Variants in PRKDC observed in about 807,000 individuals in gnomAD.
PRKDC encodes the protein protein kinase, DNA-activated, catalytic subunit, also known as DNA-dependent protein kinase catalytic subunit.
Under a neutral mutation model 486.9 loss-of-function variants are expected in PRKDC, and 82 were observed. The observed-to-expected ratio is 0.17, with a 90% CI of 0.14 to 0.20. The LOEUF (loss-of-function observed/expected upper bound fraction) is 0.20. Among genes scored for constraint, PRKDC ranks in the 10% least tolerant of loss-of-function variants. PRKDC has a pLI of 1.00. For missense variants in PRKDC, 4,504 were observed against 5,038.2 expected (o/e 0.89, Z 3.21); for synonymous variants, 1,895 against 1,837.0 (o/e 1.03, Z -0.81).
At chr8:47,951,527 C>T (rs2090624329) in intron 7 of PRKDC, among the ~76,000 whole-genome samples, 2 of 152,050 alleles carry the variant, frequency 1.3e-5, no homozygotes, top group Non-Finnish European at 2.9e-5. Context: ...AGCTTGAAAC[C>T]AGCCTGGGCA....
Position 47,953,647 on chromosome 8 carries a change from A to C in PRKDC, c.694T>G (p.Cys232Gly). ...GCLKGLSSLL[C>G]NFTKSMEEDP... The stretch of plus-strand genomic sequence containing the variant: ...TCTTCCATGGACTTAGTGAAGTTGC[A>C]CAGAAGTGAGGACAACCCCTTCAGA... The change falls in exon 7 of 86, where the codon TGC (cysteine) becomes GGC (glycine). Residue 232 changes from cysteine (C) to glycine (G), a missense_variant. Physicochemically the swap from Cys to Gly is radical, Grantham distance 159. This residue lies in a region of PRKDC where 1,969 missense variants were observed against 2,068.9 expected (regional missense o/e 0.95). Transcript: ENST00000314191. 6.2e-7 allele frequency: 1 copy of C among 1,613,544 alleles called. No homozygotes were observed. Among genetic ancestry groups the C allele is most frequent in the Non-Finnish European group, 8.5e-7 (1 of 1,179,712 alleles).
At chr8:47,873,859 T>A (rs1232927400) in intron 40 of PRKDC, among the ~76,000 whole-genome samples, 1 of 151,456 alleles carries the variant, frequency 6.6e-6, no homozygotes. Flanking sequence ...TACCAGAGGC[T>A]GGAAAGGGTA....
At chr8:47,831,623 T>TTC (rs1172043273) in intron 60 of PRKDC, among the ~76,000 whole-genome samples, 191 bp downstream of exon 60, 1 of 152,056 alleles carries the variant, frequency 6.6e-6, no homozygotes, top group East Asian at 1.9e-4. Context: ...GGCGCACTCC[T>TTC]GGACCCCCAC....
At position 47,877,850 on chromosome 8, in the gene PRKDC, A is replaced by G; in HGVS notation, c.5237T>C (p.Phe1746Ser). 1 of 1,478,824 alleles carries G rather than the reference A, an allele frequency of 6.8e-7. No homozygotes were observed. The highest frequency in any genetic ancestry group is 9.0e-7 in the Non-Finnish European group (1 of 1,108,986). 91.6% of individuals were successfully genotyped at this position (1,478,824 alleles called of 1,614,324 possible). The stretch of plus-strand genomic sequence containing the variant: ...TTGAGATAATTCCAATGCATCTAGA[A>G]ACTAGAAAAAATACATCAACATCAT... The part of the protein sequence containing the change: ...FNNYVDCMKK[F>S]LDALELSQSP... Residue 1746 changes from phenylalanine to serine, a missense_variant and splice_region_variant, in exon 40 of 86, where the codon TTT becomes TCT. By Grantham distance (155) the Phe-to-Ser change is radical (BLOSUM62 -2). Coordinates refer to ENST00000314191, the MANE Select transcript of PRKDC (RefSeq NM_006904.7).
intron 30 of PRKDC, among the ~76,000 whole-genome samples, chr8:47,896,191 T>C (rs1322353288): frequency 2.6e-5 from 4 of 151,876 alleles, no homozygotes; most frequent in African/African-American, 4.8e-5. Flanking sequence ...AATTCAGTTA[T>C]AGTATGTATT....
At chr8:47,878,594 C>G (rs998540246) in intron 39 of PRKDC, among the ~76,000 whole-genome samples, 2 of 152,198 alleles carry the variant, frequency 1.3e-5, no homozygotes, top group Non-Finnish European at 2.9e-5. Flanking sequence ...GGCCGCTCCC[C>G]CGATGTTCTC....
At position 47,933,291 on chromosome 8, in the gene PRKDC, A is replaced by T. The variant is rs1031744098; in HGVS notation, c.1624-119T>A. 3.8e-6 allele frequency: 3 copies of T among 795,396 alleles called. No individual in the cohort carries two copies. In the African/African-American group the frequency reaches 5.5e-5, roughly 15 times the overall value. 49.3% of individuals were successfully genotyped at this position (795,396 alleles called of 1,614,324 possible). On this transcript the variant is annotated intron_variant, in intron 15 of 85. Transcript: ENST00000314191. The stretch of plus-strand genomic sequence containing the variant: ...CGGTTTGGGTATTATGGAAACAGTG[A>T]TGATAAACTGCAGCAGATTTACCTG...
At chr8:47,863,687 C>T in intron 41 of PRKDC, 110 bp from the exon 42 acceptor site, 2 of 932,062 alleles carry the variant, frequency 2.1e-6, no homozygotes, top group Non-Finnish European at 3.1e-6. Flanking sequence ...AGAATTTTAA[C>T]AGTCAAAAAT....
In PRKDC at chr8:47,844,310, A is replaced by G. The variant is rs556833416; in HGVS notation, c.7281-4121T>C. ...TAAAAAGGACAAAAAAGGACATTAC[A>G]TAATGCCAAAGGGTTCAATTCAATA... On this transcript the variant is annotated intron_variant, in intron 54 of 85. Transcript: ENST00000314191. Among the ~76,000 whole-genome samples the G allele has an allele frequency of 2.0e-5, 3 of 152,388 alleles. No homozygotes were observed. In the East Asian group the frequency reaches 5.8e-4, roughly 29 times the overall value.
At chr8:47,834,570 G>C (rs1563758667) in intron 58 of PRKDC, among the ~76,000 whole-genome samples, 174 bp from the exon 59 acceptor site, 1 of 152,140 alleles carries the variant, frequency 6.6e-6, no homozygotes, top group Non-Finnish European at 1.5e-5. Context: ...CCAGGTACGT[G>C]CGCCTCAGTG....
chr8:47,929,368 G>A lies in PRKDC; in HGVS notation c.2053-190C>T, dbSNP rs528283748. Among the ~76,000 whole-genome samples the A allele has an allele frequency of 1.8e-4, 27 of 152,342 alleles. 1 individual carries two copies. The highest frequency in any genetic ancestry group is 1.7e-3 in the Admixed American group (26 of 15,302). On this transcript the variant is annotated intron_variant, in intron 18 of 85. Coordinates refer to ENST00000314191, the MANE Select transcript of PRKDC (RefSeq NM_006904.7). ...GCTAGTCAGAACAAGAGGAGGGAAGGTGGCAGCTAGTGAGAAGCCAAGCAC... is the reference window on the plus strand; with the variant it reads ...GCTAGTCAGAACAAGAGGAGGGAAGATGGCAGCTAGTGAGAAGCCAAGCAC...
chr8:47,854,686 T>C (rs1441007977), intron 50 of PRKDC, among the ~76,000 whole-genome samples: 2 of 152,220 alleles, frequency 1.3e-5, no homozygotes, highest in Non-Finnish European at 2.9e-5. Flanking sequence ...AAATGCTTTT[T>C]CTTTATTTCT....
At chr8:47,780,863 G>A (rs545164732) in intron 80 of PRKDC, among the ~76,000 whole-genome samples, 1 of 152,148 alleles carries the variant, frequency 6.6e-6, no homozygotes, top group East Asian at 1.9e-4. Flanking sequence ...GCTGGAACCC[G>A]GGAAGCGGAG....
intron 10 of PRKDC, among the ~76,000 whole-genome samples, chr8:47,940,665 A>T (rs1366366106): frequency 6.6e-6 from 1 of 152,238 alleles, no homozygotes; most frequent in Non-Finnish European, 1.5e-5. Context: ...AATATTATAT[A>T]CTATAATGCT....
chr8:47,894,580 G>A (rs76248222), intron 30 of PRKDC, among the ~76,000 whole-genome samples: 3 of 152,280 alleles, frequency 2.0e-5, no homozygotes, highest in East Asian at 1.9e-4. Flanking sequence ...TCTCCACCGA[G>A]GACCTGCTGT....
chr8:47,778,267 C>T (rs2086640205), intron 83 of PRKDC, among the ~76,000 whole-genome samples, 192 bp downstream of exon 83: 1 of 152,198 alleles, frequency 6.6e-6, no homozygotes, highest in African/African-American at 2.4e-5. Flanking sequence ...TATCACTGAT[C>T]ACCATGACTT....
intron 10 of PRKDC, among the ~76,000 whole-genome samples, chr8:47,941,830 T>C (rs1194059162): frequency 6.6e-6 from 1 of 152,262 alleles, no homozygotes; most frequent in Non-Finnish European, 1.5e-5. Flanking sequence ...GATTAGCAGG[T>C]AGAATATATT....
At chr8:47,925,046 G>C (rs996091439) in intron 21 of PRKDC, among the ~76,000 whole-genome samples, 3 of 152,268 alleles carry the variant, frequency 2.0e-5, no homozygotes, top group Admixed American at 1.3e-4. Context: ...ATCTGGCTTG[G>C]GTAAACCCCA....
chr8:47,926,132 G>A (rs189472286), intron 21 of PRKDC, among the ~76,000 whole-genome samples: 4 of 152,212 alleles, frequency 2.6e-5, no homozygotes. Context: ...AAAGATATAT[G>A]CTATCAGATA....
Sources: allele counts gnomAD v4.1 joint callset (sites outside exome capture counted in the v4.1 genomes callset), GRCh38; gene constraint gnomAD v4.1.1; regional missense constraint gnomAD v4.1.1; transcripts MANE v1.5; gene names NCBI Gene and HGNC (gene_info 2026-07-23, HGNC 2026-07-21).